The following RANBP2 variants were observed in gnomAD, a reference collection of about 807,000 sequenced individuals.
RANBP2 encodes the protein RAN binding protein 2, also known as E3 SUMO-protein ligase RanBP2.
A neutral mutation model predicts 303.6 loss-of-function variants in RANBP2; 57 were observed. The ratio of observed to expected loss-of-function variants is 0.19; its 90% CI spans 0.15 to 0.23. The LOEUF (loss-of-function observed/expected upper bound fraction) is 0.23. Among genes scored for constraint, RANBP2 ranks in the 10% least tolerant of loss-of-function variants. The pLI is 1.00. For synonymous variants in RANBP2, 1,167 were observed against 1,301.5 expected (o/e 0.90, Z 2.23); for missense variants, 3,138 against 3,780.8 (o/e 0.83, Z 4.46).
At chr2:109,360,090 T>C in the RANBP2 span, among the ~76,000 whole-genome samples, 1 of 151,732 alleles carries the variant, frequency 6.6e-6, no homozygotes, top group Non-Finnish European at 1.5e-5. Flanking sequence ...AAGTATACAC[T>C]TACCTTTTAA....
chr2:108,723,819 A>G (rs1178672144), intron 1 of RANBP2, among the ~76,000 whole-genome samples: 1 of 152,118 alleles, frequency 6.6e-6, no homozygotes, highest in Admixed American at 6.5e-5. Flanking sequence ...CTACTTGCTT[A>G]CTTAAACTCA....
chr2:109,220,445 A>C, the RANBP2 span, among the ~76,000 whole-genome samples: 1 of 152,222 alleles, frequency 6.6e-6, no homozygotes, highest in South Asian at 2.1e-4. Flanking sequence ...TCAAAACGCA[A>C]AAGTTTTGTG....
chr2:109,351,922 C>G, the RANBP2 span, among the ~76,000 whole-genome samples: 2 of 152,206 alleles, frequency 1.3e-5, no homozygotes, highest in African/African-American at 2.4e-5. Flanking sequence ...GAAGTCTTAC[C>G]TTTGTGAATT....
the RANBP2 span, among the ~76,000 whole-genome samples, chr2:109,252,471 T>C: frequency 7.9e-5 from 12 of 152,172 alleles, no homozygotes; most frequent in African/African-American, 2.9e-4. Context: ...TTTAGCTTTA[T>C]CATGGGTTGA....
At chr2:108,849,967 G>T in the RANBP2 span, among the ~76,000 whole-genome samples, 1 of 152,204 alleles carries the variant, frequency 6.6e-6, no homozygotes, top group African/African-American at 2.4e-5. Flanking sequence ...GGGCTAGGAG[G>T]GTTCAACAGG....
the RANBP2 span, among the ~76,000 whole-genome samples, chr2:109,711,492 C>T: frequency 6.6e-6 from 1 of 152,218 alleles, no homozygotes; most frequent in Non-Finnish European, 1.5e-5. Context: ...TCACAAGCCT[C>T]CAGTGGCTTT....
the RANBP2 span, chr2:108,873,716 C>A: frequency 3.4e-6 from 2 of 590,992 alleles, no homozygotes; most frequent in Non-Finnish European, 5.8e-6. Context: ...TTGTGCCACA[C>A]ATAAAATACG....
chr2:109,147,146 A>G, the RANBP2 span, among the ~76,000 whole-genome samples: 5 of 151,922 alleles, frequency 3.3e-5, no homozygotes, highest in African/African-American at 4.8e-5. Context: ...TTTTTGTCCA[A>G]AAGACAGAGG....
At chr2:108,896,755 C>G in the RANBP2 span, 9 of 722,066 alleles carry the variant, frequency 1.2e-5, no homozygotes, top group East Asian at 2.4e-4. Flanking sequence ...GAAGACAGGC[C>G]TTATTTCGTC....
the RANBP2 span, among the ~76,000 whole-genome samples, chr2:109,691,824 C>G: frequency 9.2e-5 from 14 of 151,984 alleles, no homozygotes; most frequent in African/African-American, 3.1e-4. Flanking sequence ...GCTCTGTCAC[C>G]CAGGCTAGAG....
At chr2:108,946,550 G>T in the RANBP2 span, among the ~76,000 whole-genome samples, 2 of 152,186 alleles carry the variant, frequency 1.3e-5, no homozygotes, top group African/African-American at 4.8e-5. Flanking sequence ...TATAAAGACT[G>T]GGTAACTTAT....
the RANBP2 span, among the ~76,000 whole-genome samples, chr2:109,556,234 G>A: frequency 6.6e-6 from 1 of 152,138 alleles, no homozygotes; most frequent in Non-Finnish European, 1.5e-5. Flanking sequence ...CAGAAACACT[G>A]AGCCCTTCCA....
At chr2:108,832,923 T>A in the RANBP2 span, among the ~76,000 whole-genome samples, 1 of 152,144 alleles carries the variant, frequency 6.6e-6, no homozygotes, top group Non-Finnish European at 1.5e-5. Flanking sequence ...ATCCCACAGA[T>A]AAGAGGGAGA....
chr2:108,776,319 T>C (rs1437295834), intron 24 of RANBP2, among the ~76,000 whole-genome samples: 1 of 152,160 alleles, frequency 6.6e-6, no homozygotes, highest in Non-Finnish European at 1.5e-5. Flanking sequence ...GTAGAAATAT[T>C]ACGGATTTAA....
At chr2:109,649,638 T>C in the RANBP2 span, among the ~76,000 whole-genome samples, 1 of 152,186 alleles carries the variant, frequency 6.6e-6, no homozygotes, top group Non-Finnish European at 1.5e-5. Flanking sequence ...CCTCAGGTGA[T>C]CCGCCTTCCT....
chr2:109,214,820 A>G, the RANBP2 span, among the ~76,000 whole-genome samples: 413 of 152,288 alleles, frequency 2.7e-3, 4 homozygotes, highest in African/African-American at 9.6e-3. Flanking sequence ...AGATCTATGT[A>G]TATTGGAGAC....
At chr2:109,512,391 T>G in the RANBP2 span, among the ~76,000 whole-genome samples, 1 of 152,130 alleles carries the variant, frequency 6.6e-6, no homozygotes, top group South Asian at 2.1e-4. Flanking sequence ...CACCTCTCAC[T>G]GTGGCCTCCG....
chr2:109,504,630 G>A, the RANBP2 span: 2 of 152,232 alleles, frequency 1.3e-5, no homozygotes, highest in Non-Finnish European at 2.9e-5. Context: ...AATGAACATG[G>A]AGAAGGCTTG....
chr2:109,158,412 G>A, the RANBP2 span, among the ~76,000 whole-genome samples: 3 of 152,246 alleles, frequency 2.0e-5, no homozygotes, highest in Admixed American at 6.5e-5. Context: ...GCTTGCCTTC[G>A]TGGGTCATTG....
Sources: gnomAD v4.1 joint callset for allele counts (sites outside exome capture counted in the v4.1 genomes callset) on GRCh38, gnomAD v4.1.1 for gene constraint, MANE v1.5 for transcripts, NCBI Gene and HGNC (gene_info 2026-07-23, HGNC 2026-07-21) for gene names.